XKR6: variants seen among roughly 807,000 people sequenced by gnomAD.
XKR6 encodes the protein XK related 6.
Under a neutral mutation model 56.7 loss-of-function variants are expected in XKR6, and 22 were observed. The ratio of observed to expected loss-of-function variants is 0.39; its 90% CI spans 0.28 to 0.55. The LOEUF (loss-of-function observed/expected upper bound fraction) is 0.55. XKR6 is among the 20% of genes least tolerant of loss of function. XKR6 has a pLI of 0.66. For missense variants in XKR6, 852 were observed against 889.0 expected (o/e 0.96, Z 0.53); for synonymous variants, 524 against 387.8 (o/e 1.35, Z -4.13).
chr8:10,898,360 C>T lies in XKR6; in HGVS notation c.1518G>A (p.Lys506=), dbSNP rs376433306. The change falls in exon 3 of 3, where the codon AAG becomes AAA. Residue 506 remains lysine, a synonymous_variant. Transcript: ENST00000416569. This position sits in a 1 kb window ranked among gnomAD's most constrained non-coding sequence, Gnocchi z 6.6. ...CGGCACAACAGGAGCTGGCAAGGAT[C>T]TTAGCTCGTGGTCCTGTGGGATGCA... ...GVLHPTGPRA[K]ILASSCCAEL... 6.2e-7 allele frequency: 1 copy of T among 1,614,078 alleles called. No individual in the cohort carries two copies. The highest frequency in any genetic ancestry group is 1.6e-4 in the Middle Eastern group (1 of 6,062).
intron 1 of XKR6, among the ~76,000 whole-genome samples, chr8:11,078,553 G>A (rs1800333743): frequency 6.6e-6 from 1 of 152,172 alleles, no homozygotes; most frequent in Admixed American, 6.5e-5. Flanking sequence ...AAGGAAGAGA[G>A]GATTTGGGGA....
At chr8:11,118,723 T>C (rs1026049024) in intron 1 of XKR6, among the ~76,000 whole-genome samples, 2 of 152,292 alleles carry the variant, frequency 1.3e-5, no homozygotes, top group African/African-American at 2.4e-5. Context: ...GTCTTGCTAG[T>C]GGTCTATCAA....
At chr8:11,134,111 G>A (rs1240238405) in intron 1 of XKR6, among the ~76,000 whole-genome samples, 1 of 152,052 alleles carries the variant, frequency 6.6e-6, no homozygotes, top group East Asian at 1.9e-4. Flanking sequence ...GGTTCATTTG[G>A]AGAACTCTTA....
intron 1 of XKR6, among the ~76,000 whole-genome samples, chr8:10,949,073 T>C (rs1801636797): frequency 1.3e-5 from 2 of 152,208 alleles, no homozygotes; most frequent in East Asian, 1.9e-4. Context: ...CTCCTGTCAA[T>C]GACTCCACAT....
Position 10,937,864 on chromosome 8 carries a change from G to A in XKR6, c.765-13034C>T, listed in dbSNP as rs372809187. On this transcript the variant is annotated intron_variant, in intron 1 of 2. Coordinates refer to ENST00000416569, the MANE Select transcript of XKR6 (RefSeq NM_173683.4). ...TACTGCTGTCTTTTCGTTTGTCTGT[G>A]CCCTGCCCCCAGAGGTGGAGCCTAC... Among the ~76,000 whole-genome samples the A allele has an allele frequency of 6.9e-3, 1,046 of 152,150 alleles. 12 individuals carry two copies. The highest frequency in any genetic ancestry group is 0.013 in the South Asian group (64 of 4,822).
At chr8:11,141,577 G>C (rs1038382596) in intron 1 of XKR6, among the ~76,000 whole-genome samples, 1 of 152,226 alleles carries the variant, frequency 6.6e-6, no homozygotes, top group African/African-American at 2.4e-5. Flanking sequence ...TCTTGACGTG[G>C]ACCCCAGCTC....
intron 1 of XKR6, among the ~76,000 whole-genome samples, chr8:11,054,117 G>C (rs1045115213): frequency 6.6e-6 from 1 of 152,228 alleles, no homozygotes; most frequent in Non-Finnish European, 1.5e-5. Context: ...TTCCAAGCAT[G>C]CACTGTCATG....
chr8:10,937,947 C>G (rs1801269040), intron 1 of XKR6, among the ~76,000 whole-genome samples: 1 of 151,380 alleles, frequency 6.6e-6, no homozygotes. Context: ...AGCTTCCCGG[C>G]TGCTTTGTTT....
intron 1 of XKR6, among the ~76,000 whole-genome samples, chr8:11,154,946 T>C (rs150551437): frequency 1.5e-3 from 223 of 152,360 alleles, no homozygotes; most frequent in Non-Finnish European, 1.8e-3. Flanking sequence ...GCTGACAACA[T>C]GTCTACTACT....
At chr8:11,143,231 G>C (rs1800792982) in intron 1 of XKR6, among the ~76,000 whole-genome samples, 1 of 152,104 alleles carries the variant, frequency 6.6e-6, no homozygotes, top group Admixed American at 6.5e-5. Context: ...TACACATTCT[G>C]ATAAAAAACA....
intron 2 of XKR6, among the ~76,000 whole-genome samples, chr8:10,921,156 A>G (rs1473900038): frequency 6.6e-6 from 1 of 152,226 alleles, no homozygotes; most frequent in Non-Finnish European, 1.5e-5. Context: ...AGCAACATCC[A>G]TTGCCCCTTG....
At chr8:10,906,008 C>T (rs910169474) in intron 2 of XKR6, among the ~76,000 whole-genome samples, 2 of 152,202 alleles carry the variant, frequency 1.3e-5, no homozygotes, top group East Asian at 3.8e-4. Context: ...ATCCTGATGA[C>T]TTCTATGAGC....
chr8:11,104,043 T>G (rs986218811), intron 1 of XKR6, among the ~76,000 whole-genome samples: 14 of 152,260 alleles, frequency 9.2e-5, no homozygotes, highest in Non-Finnish European at 1.9e-4. Context: ...AATTTCATTC[T>G]TGCTTTCAAG....
intron 1 of XKR6, among the ~76,000 whole-genome samples, chr8:11,096,362 T>A (rs1434389207): frequency 6.6e-6 from 1 of 152,226 alleles, no homozygotes; most frequent in Admixed American, 6.5e-5. Flanking sequence ...CAAAATTTGG[T>A]GGAACATTCA....
intron 1 of XKR6, among the ~76,000 whole-genome samples, chr8:11,162,561 G>T (rs1160554991): frequency 6.6e-6 from 1 of 152,178 alleles, no homozygotes; most frequent in African/African-American, 2.4e-5. Context: ...ATTGCAAAGT[G>T]AAAATTTTAA....
At chr8:11,085,847 GC>G (rs1797868813) in intron 1 of XKR6, among the ~76,000 whole-genome samples, 1 of 152,182 alleles carries the variant, frequency 6.6e-6, no homozygotes, top group Admixed American at 6.5e-5. Context: ...GCCTGCAGAT[GC>G]CCTACCTTGC....
intron 1 of XKR6, among the ~76,000 whole-genome samples, chr8:11,152,489 G>C (rs962351654): frequency 8.5e-5 from 13 of 152,170 alleles, no homozygotes; most frequent in Admixed American, 5.9e-4. Flanking sequence ...AAGAAGAAGG[G>C]AGAAAGGAAA....
chr8:11,133,477 G>A (rs1800220697), intron 1 of XKR6, among the ~76,000 whole-genome samples: 1 of 152,096 alleles, frequency 6.6e-6, no homozygotes, highest in African/African-American at 2.4e-5. Context: ...GCTCTCCTTA[G>A]GAATGTCCAA....
At chr8:10,950,864 T>C (rs1244544931) in intron 1 of XKR6, among the ~76,000 whole-genome samples, 3 of 152,156 alleles carry the variant, frequency 2.0e-5, no homozygotes, top group African/African-American at 7.2e-5. Flanking sequence ...TATCAAAGCC[T>C]CACAATTGCC....
Sources: allele counts gnomAD v4.1 joint callset (sites outside exome capture counted in the v4.1 genomes callset), GRCh38; gene constraint gnomAD v4.1.1; non-coding constraint Gnocchi (gnomAD v3.1); transcripts MANE v1.5; gene names NCBI Gene and HGNC (gene_info 2026-07-23, HGNC 2026-07-21).